SCEL: variants seen among roughly 807,000 people sequenced by gnomAD.
The protein encoded by SCEL is sciellin.
SCEL carries 113 observed loss-of-function variants against 117.6 expected under a neutral mutation model. The ratio of observed to expected loss-of-function variants is 0.96; its 90% confidence interval spans 0.83 to 1.12. SCEL has a LOEUF of 1.12. Ranked by LOEUF, SCEL falls within the 50% of genes most tolerant of loss-of-function variation. The pLI is 0.00. For synonymous variants in SCEL, 270 were observed against 256.2 expected (o/e 1.05, Z -0.51); for missense variants, 785 against 810.8 (o/e 0.97, Z 0.39).
intron 1 of SCEL, among the ~76,000 whole-genome samples, chr13:77,540,197 A>G (rs1207616181): frequency 6.6e-6 from 1 of 152,228 alleles, no homozygotes; most frequent in Non-Finnish European, 1.5e-5. Context: ...AAAGAAAAAT[A>G]AATATTTAGT....
At chr13:77,571,596 G>A (rs1359286514) in intron 8 of SCEL, among the ~76,000 whole-genome samples, 1 of 151,746 alleles carries the variant, frequency 6.6e-6, no homozygotes, top group African/African-American at 2.4e-5. Context: ...GGCTGAGGCA[G>A]GAGAACTGCT....
chr13:77,560,048 C>G (rs550124403), intron 4 of SCEL, among the ~76,000 whole-genome samples, 185 bp downstream of exon 4: 1 of 152,248 alleles, frequency 6.6e-6, no homozygotes, highest in East Asian at 1.9e-4. Flanking sequence ...TCTCCAGAAC[C>G]ATGACTTGGA....
At chr13:77,602,820 T>C in intron 17 of SCEL, 107 bp downstream of exon 17, 1 of 942,284 alleles carries the variant, frequency 1.1e-6, no homozygotes, top group Non-Finnish European at 1.7e-6. Flanking sequence ...CTGTGTCTAA[T>C]CCCTGGTGCC....
intron 28 of SCEL, among the ~76,000 whole-genome samples, chr13:77,630,030 T>G (rs2089955963): frequency 6.6e-6 from 1 of 152,098 alleles, no homozygotes; most frequent in South Asian, 2.1e-4. Flanking sequence ...GAGTAATAAT[T>G]TTAGGTTTTA....
At chr13:77,545,327 T>C (rs945123380) in intron 1 of SCEL, among the ~76,000 whole-genome samples, 4 of 152,296 alleles carry the variant, frequency 2.6e-5, no homozygotes, top group Admixed American at 2.6e-4. Flanking sequence ...GTTGAGTAGA[T>C]TTGAAGCTCA....
chr13:77,593,013 C>T (rs945898597), intron 11 of SCEL, among the ~76,000 whole-genome samples: 7 of 152,042 alleles, frequency 4.6e-5, no homozygotes, highest in Non-Finnish European at 1.0e-4. Flanking sequence ...ACATTTTCAC[C>T]CCTTTAGGGT....
At chr13:77,603,175 G>A in intron 18 of SCEL, 40 bp downstream of exon 18, 1 of 1,237,622 alleles carries the variant, frequency 8.1e-7, no homozygotes, top group East Asian at 2.4e-5. Context: ...TTTCTGTTAA[G>A]TGTCAATCAG....
chr13:77,634,573 A>T (rs1009191080), intron 29 of SCEL, 123 bp downstream of exon 29: 2 of 605,906 alleles, frequency 3.3e-6, no homozygotes, highest in African/African-American at 3.7e-5. Flanking sequence ...TTATAAGTAC[A>T]TTGAGTTCTA....
At chr13:77,556,445 G>T in intron 2 of SCEL, 151 bp from the exon 3 acceptor site, 1 of 662,546 alleles carries the variant, frequency 1.5e-6, no homozygotes, top group Non-Finnish European at 2.7e-6. Context: ...GTTCTTTCTT[G>T]CTGGTGCATC....
intron 22 of SCEL, among the ~76,000 whole-genome samples, chr13:77,611,680 A>G (rs892745492): frequency 3.3e-5 from 5 of 152,144 alleles, no homozygotes; most frequent in African/African-American, 1.2e-4. Context: ...CTTGGTAGTG[A>G]GATTTTTTAC....
intron 11 of SCEL, among the ~76,000 whole-genome samples, chr13:77,591,912 G>A (rs1410022605): frequency 6.6e-6 from 1 of 152,138 alleles, no homozygotes; most frequent in Non-Finnish European, 1.5e-5. Flanking sequence ...GGAGGGTAAG[G>A]TGGCATTCCC....
intron 9 of SCEL, among the ~76,000 whole-genome samples, chr13:77,582,884 T>C (rs1434348563): frequency 6.6e-6 from 1 of 152,188 alleles, no homozygotes. Flanking sequence ...CCATTTTGAG[T>C]AGACTCGTTA....
chr13:77,548,982 T>C (rs1030008390), intron 1 of SCEL, among the ~76,000 whole-genome samples: 2 of 152,244 alleles, frequency 1.3e-5, no homozygotes, highest in East Asian at 1.9e-4. Context: ...CTTAGGTTGA[T>C]TCAATATCTT....
At chr13:77,611,701 C>T (rs1278833471) in intron 22 of SCEL, among the ~76,000 whole-genome samples, 1 of 152,136 alleles carries the variant, frequency 6.6e-6, no homozygotes, top group Non-Finnish European at 1.5e-5. Context: ...TTCAGAGAAC[C>T]TTTTGCTAGC....
At chr13:77,591,040 C>T (rs937729188) in intron 10 of SCEL, among the ~76,000 whole-genome samples, 1 of 151,972 alleles carries the variant, frequency 6.6e-6, no homozygotes, top group East Asian at 1.9e-4. Context: ...GAAAAAAATC[C>T]CTTTGATGCC....
chr13:77,542,461 T>G (rs1314462493), intron 1 of SCEL, among the ~76,000 whole-genome samples: 1 of 152,166 alleles, frequency 6.6e-6, no homozygotes, highest in African/African-American at 2.4e-5. Flanking sequence ...GGTAGGGGCT[T>G]TCATTTGTGC....
intron 1 of SCEL, among the ~76,000 whole-genome samples, chr13:77,544,295 C>T (rs2083879847): frequency 6.6e-6 from 1 of 152,016 alleles, no homozygotes; most frequent in Non-Finnish European, 1.5e-5. Context: ...TTTTCTCTTT[C>T]CTCTATGAGC....
intron 28 of SCEL, 127 bp from the exon 29 acceptor site, chr13:77,634,252 T>C: frequency 1.2e-6 from 1 of 816,712 alleles, no homozygotes; most frequent in Non-Finnish European, 2.0e-6. Context: ...CTAACATTCA[T>C]GTTTCAAAGT....
At chr13:77,641,507 G>A (rs1040604066) in intron 31 of SCEL, among the ~76,000 whole-genome samples, 4 of 152,122 alleles carry the variant, frequency 2.6e-5, no homozygotes, top group Non-Finnish European at 4.4e-5. Flanking sequence ...TGTAAAATGA[G>A]GTGTTGACTA....
Sources: allele counts gnomAD v4.1 joint callset (sites outside exome capture counted in the v4.1 genomes callset), GRCh38; gene constraint gnomAD v4.1.1; transcripts MANE v1.5; gene names NCBI Gene and HGNC (gene_info 2026-07-23, HGNC 2026-07-21).